Variants in PXDNL observed in about 807,000 individuals in gnomAD.
PXDNL encodes peroxidasin like.
A neutral mutation model predicts 150.8 loss-of-function variants in PXDNL; 145 were observed. That is an observed-to-expected ratio of 0.96 (90% CI 0.84 to 1.10). PXDNL has a LOEUF of 1.10. Ranked by LOEUF, PXDNL falls within the 50% of genes least tolerant of loss-of-function variation. The probability of loss-of-function intolerance (pLI) is 0.00; values close to 1 mark genes in which losing one functional copy is unlikely to be tolerated. For synonymous variants in PXDNL, 757 were observed against 725.7 expected, an observed-to-expected ratio of 1.04 and a Z score of -0.69; for missense variants, 2,087 against 1,873.9, an observed-to-expected ratio of 1.11 and a Z score of -2.10.
At position 51,408,132 on chromosome 8, in the gene PXDNL, T is replaced by C; in HGVS notation, c.3492A>G (p.Ser1164=). 6.2e-7 allele frequency: 1 copy of C among 1,613,194 alleles called. No individual in the cohort carries two copies. Among genetic ancestry groups the C allele is most frequent in the Non-Finnish European group, 8.5e-7 (1 of 1,179,610 alleles). Residue 1164 remains serine (S), a synonymous_variant, in exon 17 of 23, where the codon TCA becomes TCG. Transcript: ENST00000356297. ...VDFRVFCNLT[S]VKNFEDLQNE... is the part of the protein sequence containing the mutation. ...TTTGAAGATCCTCAAAGTTCTTAAC[T>C]GAAGTCAAATTACAGAAAACTCTGA... is the stretch of plus-strand genomic sequence containing the variant.
chr8:51,809,041 T>C (rs1320295152), intron 1 of PXDNL, 140 bp downstream of exon 1: 8 of 818,260 alleles, frequency 9.8e-6, no homozygotes, highest in Non-Finnish European at 1.5e-5. Context: ...ACCATGAAAT[T>C]GTTTGAAAAG....
intron 2 of PXDNL, among the ~76,000 whole-genome samples, chr8:51,654,004 A>T (rs909049560): frequency 6.6e-6 from 1 of 152,174 alleles, no homozygotes; most frequent in African/African-American, 2.4e-5. Context: ...TATTACAGAC[A>T]TATTACAGTT....
chr8:51,578,713 A>G (rs1362961697), intron 3 of PXDNL, among the ~76,000 whole-genome samples: 1 of 152,026 alleles, frequency 6.6e-6, no homozygotes, highest in Non-Finnish European at 1.5e-5. Context: ...TGGCTTCAGG[A>G]TGTATTATTT....
intron 8 of PXDNL, among the ~76,000 whole-genome samples, chr8:51,467,312 T>A (rs769999322): frequency 7.9e-5 from 12 of 152,104 alleles, no homozygotes; most frequent in Non-Finnish European, 1.5e-4. Context: ...AAACAAATTC[T>A]GTTTGTCTTT....
At chr8:51,713,332 A>G (rs749348978) in intron 1 of PXDNL, among the ~76,000 whole-genome samples, 1 of 152,260 alleles carries the variant, frequency 6.6e-6, no homozygotes, top group Non-Finnish European at 1.5e-5. Flanking sequence ...TCTTTTTTAA[A>G]TAAAGGAACT....
intron 1 of PXDNL, among the ~76,000 whole-genome samples, chr8:51,750,017 A>T (rs530126727): frequency 6.6e-6 from 1 of 152,240 alleles, no homozygotes; most frequent in African/African-American, 2.4e-5. Context: ...CTTATTTTTT[A>T]AAATTTTCTA....
intron 12 of PXDNL, among the ~76,000 whole-genome samples, chr8:51,445,937 A>G (rs972040027): frequency 1.3e-5 from 2 of 151,924 alleles, no homozygotes; most frequent in South Asian, 2.1e-4. Context: ...TGCTATTTTC[A>G]TATCTTCCCT....
At chr8:51,740,796 C>A (rs1429398529) in intron 1 of PXDNL, among the ~76,000 whole-genome samples, 1 of 152,016 alleles carries the variant, frequency 6.6e-6, no homozygotes, top group Non-Finnish European at 1.5e-5. Context: ...AGTCTTGCAT[C>A]CCGGTGATGA....
chr8:51,602,445 T>C (rs1318863890), intron 2 of PXDNL, among the ~76,000 whole-genome samples: 1 of 152,078 alleles, frequency 6.6e-6, no homozygotes, highest in Non-Finnish European at 1.5e-5. Context: ...TCTGAAATTC[T>C]TTTATCTGCT....
At chr8:51,530,748 C>T (rs1464943364) in intron 4 of PXDNL, among the ~76,000 whole-genome samples, 1 of 152,070 alleles carries the variant, frequency 6.6e-6, no homozygotes, top group African/African-American at 2.4e-5. Flanking sequence ...CTCAGTCCTG[C>T]TGTGAGGGCT....
chr8:51,758,863 T>C (rs2037131197), intron 1 of PXDNL, among the ~76,000 whole-genome samples: 2 of 152,170 alleles, frequency 1.3e-5, no homozygotes, highest in African/African-American at 4.8e-5. Flanking sequence ...GCTTGTGCTT[T>C]CTCTTACCTA....
At chr8:51,569,858 T>A (rs566613937) in intron 3 of PXDNL, among the ~76,000 whole-genome samples, 10 of 152,112 alleles carry the variant, frequency 6.6e-5, no homozygotes, top group Admixed American at 1.3e-4. Context: ...ATGAAAATCT[T>A]CTAAAGTGCC....
intron 1 of PXDNL, among the ~76,000 whole-genome samples, chr8:51,705,181 G>C (rs112090084): frequency 0.034 from 5,167 of 152,214 alleles, 277 homozygotes; most frequent in African/African-American, 0.11. Context: ...TAACTGAAGG[G>C]GGCCCTGGGC....
chr8:51,690,087 C>A (rs1040814104), intron 1 of PXDNL, among the ~76,000 whole-genome samples: 7 of 152,160 alleles, frequency 4.6e-5, no homozygotes, highest in African/African-American at 7.2e-5. Flanking sequence ...CGTGCAAAGA[C>A]CAAACCAACA....
At chr8:51,403,328 T>C (rs979112266) in intron 17 of PXDNL, among the ~76,000 whole-genome samples, 1 of 152,162 alleles carries the variant, frequency 6.6e-6, no homozygotes, top group Non-Finnish European at 1.5e-5. Context: ...TGGCAAATGC[T>C]GTGGTCTGTG....
At chr8:51,696,767 T>TCCACGCACATCCACA (rs1816146080) in intron 1 of PXDNL, among the ~76,000 whole-genome samples, 1 of 2,548 alleles carries the variant, frequency 3.9e-4, no homozygotes, top group Non-Finnish European at 8.8e-4. Flanking sequence ...ACATAGGTCT[T>TCCACGCACATCCACA]CACAGGTCCA....
At chr8:51,629,269 C>T (rs1333622411) in intron 2 of PXDNL, among the ~76,000 whole-genome samples, 1 of 151,982 alleles carries the variant, frequency 6.6e-6, no homozygotes, top group African/African-American at 2.4e-5. Flanking sequence ...AATACAGTAG[C>T]CAAATGAAAG....
chr8:51,559,985 T>C (rs1195182397), intron 3 of PXDNL, among the ~76,000 whole-genome samples: 1 of 151,774 alleles, frequency 6.6e-6, no homozygotes, highest in African/African-American at 2.4e-5. Context: ...TTGATAGAAA[T>C]ACAAAACCTA....
intron 2 of PXDNL, among the ~76,000 whole-genome samples, chr8:51,609,180 ATCT>A (rs1335336967): frequency 3.9e-5 from 6 of 152,240 alleles, no homozygotes; most frequent in Non-Finnish European, 7.3e-5. Flanking sequence ...TTCTCAATAA[ATCT>A]TCTTGATTAC....
Sources: allele counts gnomAD v4.1 joint callset (sites outside exome capture counted in the v4.1 genomes callset), GRCh38; gene constraint gnomAD v4.1.1; transcripts MANE v1.5; gene names NCBI Gene and HGNC (gene_info 2026-07-23, HGNC 2026-07-21).